DOC2B: variants seen among roughly 807,000 people sequenced by gnomAD.
DOC2B encodes double C2 domain beta.
A neutral mutation model predicts 28.9 loss-of-function variants in DOC2B; 21 were observed. That is an observed-to-expected ratio of 0.73 (90% CI 0.52 to 1.05). DOC2B has a LOEUF of 1.05. DOC2B is among the 50% of genes least tolerant of loss of function. DOC2B has a pLI of 0.00. For synonymous variants in DOC2B, 194 were observed against 178.1 expected (o/e 1.09, Z -0.71); for missense variants, 384 against 421.1 (o/e 0.91, Z 0.77).
intron 5 of DOC2B, among the ~76,000 whole-genome samples, chr17:160,589 G>A (rs1026641344): frequency 5.9e-5 from 9 of 152,296 alleles, no homozygotes; most frequent in African/African-American, 1.9e-4. Context: ...ACGTGCCATC[G>A]AGGGGACCAT....
chr17:178,950 C>T (rs1342379429), intron 1 of DOC2B, among the ~76,000 whole-genome samples: 1 of 152,204 alleles, frequency 6.6e-6, no homozygotes, highest in Non-Finnish European at 1.5e-5. Context: ...GCAGTCCCAC[C>T]CCAGAACCTG....
chr17:151,717 GA>G (rs2040073948), intron 6 of DOC2B, among the ~76,000 whole-genome samples: 1 of 152,192 alleles, frequency 6.6e-6, no homozygotes, highest in African/African-American at 2.4e-5. Context: ...AGCAGGGACA[GA>G]AGGGTCCTGC....
Position 143,131 on chromosome 17 carries a change from A to C in DOC2B, c.*4310T>G, listed in dbSNP as rs2039995838. The C allele has an allele frequency of 6.6e-6, 1 of 152,122 alleles. No individual in the cohort carries two copies. Among genetic ancestry groups the C allele is most frequent in the Non-Finnish European group, 1.5e-5 (1 of 68,024 alleles). 9.4% of individuals were successfully genotyped at this position (152,122 alleles called of 1,614,324 possible). A position where few individuals can be genotyped will look rare whatever the true frequency, so the allele number is the denominator to read the frequency against. On this transcript the variant is annotated 3_prime_UTR_variant, in exon 9 of 9. Transcript: ENST00000613549. Reference sequence around the variant, plus strand: ...GGTGCAAAATGTCTTGGGCTGCCTCAGTTTGAATCCTGCTTCTGCCATCGA... The same window carrying C: ...GGTGCAAAATGTCTTGGGCTGCCTCCGTTTGAATCCTGCTTCTGCCATCGA...
chr17:161,942 C>A, intron 4 of DOC2B, 139 bp downstream of exon 4: 1 of 676,312 alleles, frequency 1.5e-6, no homozygotes, highest in South Asian at 1.8e-5. Flanking sequence ...TGCCTTTCTT[C>A]AAGCCCCCAA....
intron 2 of DOC2B, among the ~76,000 whole-genome samples, chr17:172,198 C>A (rs967105797): frequency 2.6e-5 from 4 of 151,970 alleles, no homozygotes; most frequent in African/African-American, 9.7e-5. Context: ...AGTACCCAAC[C>A]CGCCCTCCCT....
In DOC2B at chr17:164,507, C is replaced by A. The variant is rs1012996549; in HGVS notation, c.454-303G>T. Among the ~76,000 whole-genome samples, 9 of 152,242 alleles carry A rather than the reference C, an allele frequency of 5.9e-5. No individual in the cohort carries two copies. The East Asian group carries it at 1.7e-3, about 29-fold the overall frequency. On this transcript the variant is annotated intron_variant, in intron 2 of 8. Transcript: ENST00000613549. The stretch of plus-strand genomic sequence containing the variant: ...CCCTTCTCTGAGCCTCCCTCTCCAC[C>A]CTGCTTTGCTCAGGCCCTGCCATCA...
intron 5 of DOC2B, 65 bp downstream of exon 5, chr17:161,350 G>T (rs761451108): frequency 6.7e-7 from 1 of 1,500,268 alleles, no homozygotes; most frequent in Non-Finnish European, 9.1e-7. Context: ...CAGGCAGGAA[G>T]TTCTGCCTTC....
intron 5 of DOC2B, among the ~76,000 whole-genome samples, chr17:158,113 C>T (rs2040156896): frequency 6.6e-6 from 1 of 152,312 alleles, no homozygotes; most frequent in Middle Eastern, 3.4e-3. Flanking sequence ...GCCTCAGCAG[C>T]TGCCAGTGCC....
At chr17:164,774 C>A (rs1555523696) in intron 2 of DOC2B, among the ~76,000 whole-genome samples, 2 of 152,230 alleles carry the variant, frequency 1.3e-5, no homozygotes, top group African/African-American at 4.8e-5. Context: ...CACGCGTGCA[C>A]AGCCAGAGGC....
At position 164,208 on chromosome 17, in the gene DOC2B, G is replaced by T. The variant is rs567666802; in HGVS notation, c.454-4C>A. 7.7e-6 allele frequency: 12 copies of T among 1,548,890 alleles called. No individual in the cohort carries two copies. In the East Asian group the frequency reaches 2.0e-4, roughly 25 times the overall value. On this transcript the variant is annotated splice_polypyrimidine_tract_variant and splice_region_variant and intron_variant, in intron 2 of 8. Coordinates refer to ENST00000613549, the MANE Select transcript of DOC2B (RefSeq NM_003585.5). ...TGTGGTCCATTGGCTTCAGGCCCTG[G>T]GCAGAGAAGAGCAAACGGTGTGAAC...
intron 1 of DOC2B, among the ~76,000 whole-genome samples, chr17:177,175 G>T (rs569195150): frequency 4.6e-5 from 7 of 152,208 alleles, no homozygotes; most frequent in African/African-American, 1.7e-4. Context: ...AGCCAGGCCG[G>T]CACTGCAGGG....
intron 1 of DOC2B, among the ~76,000 whole-genome samples, chr17:174,775 C>T (rs1450196469): frequency 2.0e-5 from 3 of 152,198 alleles, no homozygotes; most frequent in African/African-American, 7.2e-5. Flanking sequence ...TTGTTTCTCC[C>T]ATGAGACCAG....
chr17:161,512 C>T lies in DOC2B; in HGVS notation c.668G>A (p.Arg223Gln), dbSNP rs977032944. 9.0e-6 allele frequency: 14 copies of T among 1,551,594 alleles called. No individual in the cohort carries two copies. The highest frequency in any genetic ancestry group is 2.7e-5 in the African/African-American group (2 of 73,048). ...TGTCTCCCCGATGAACTCATTGTGC[C>T]GGAATTTGTCCTCGTCACACACAGA... ...RISVCDEDKFRHNEFIGETRV... is the reference protein window; with the variant it reads ...RISVCDEDKFQHNEFIGETRV... The change falls in exon 5 of 9, where the codon CGG becomes CAG. Residue 223 changes from arginine to glutamine, a missense_variant. Transcript: ENST00000613549.
At chr17:155,089 C>T (rs2040118773) in intron 6 of DOC2B, among the ~76,000 whole-genome samples, 1 of 152,114 alleles carries the variant, frequency 6.6e-6, no homozygotes, top group African/African-American at 2.4e-5. Flanking sequence ...AGGCTGGTCT[C>T]AAATTCCTGG....
At chr17:156,062 A>C (rs1435041425) in intron 6 of DOC2B, 158 bp downstream of exon 6, 11 of 759,676 alleles carry the variant, frequency 1.4e-5, no homozygotes, top group Non-Finnish European at 2.2e-5. Context: ...GCCATGCTTA[A>C]CCCCTGGAGT....
intron 1 of DOC2B, among the ~76,000 whole-genome samples, chr17:177,581 T>C (rs1466237744): frequency 6.6e-6 from 1 of 152,264 alleles, no homozygotes; most frequent in South Asian, 2.1e-4. Context: ...CTGCCAGAGC[T>C]TTCCATCTGG....
chr17:175,999 G>A (rs535991948), intron 1 of DOC2B, among the ~76,000 whole-genome samples: 3 of 152,318 alleles, frequency 2.0e-5, no homozygotes, highest in South Asian at 4.1e-4. Flanking sequence ...ATAAATAGAA[G>A]CTCGGTCACA....
At chr17:149,706 A>G (rs1179003132) in intron 6 of DOC2B, among the ~76,000 whole-genome samples, 1 of 152,116 alleles carries the variant, frequency 6.6e-6, no homozygotes, top group Non-Finnish European at 1.5e-5. Context: ...GGGTTTCACC[A>G]TGTTGGCCAG....
At position 149,168 on chromosome 17, in the gene DOC2B, C is replaced by A; in HGVS notation, c.948G>T (p.Lys316Asn). The A allele has an allele frequency of 2.5e-6, 1 of 400,108 alleles. No individual in the cohort carries two copies. Among genetic ancestry groups the A allele is most frequent in the East Asian group, 3.6e-5 (1 of 28,076 alleles). 24.8% of individuals were successfully genotyped at this position (400,108 alleles called of 1,614,324 possible). ...VKTYLRPDVD[K>N]KSKHKTAVKK... ...TCACCGCTGTCTTATGTTTGGATTT[C>A]TTGTCCACATCTGGCCTCAGGTATC... The change falls in exon 7 of 9, where the codon AAG becomes AAT. Residue 316 changes from lysine (K) to asparagine (N), a missense_variant. Lys to Asn is a moderately conservative substitution (Grantham distance 94). Coordinates refer to ENST00000613549, the MANE Select transcript of DOC2B (RefSeq NM_003585.5).
Sources: allele counts gnomAD v4.1 joint callset (sites outside exome capture counted in the v4.1 genomes callset), GRCh38; gene constraint gnomAD v4.1.1; transcripts MANE v1.5; gene names NCBI Gene and HGNC (gene_info 2026-07-23, HGNC 2026-07-21).